The following ANO5 variants were observed in gnomAD, a reference collection of about 807,000 sequenced individuals.
ANO5 encodes the protein anoctamin-5.
In ANO5, 109 loss-of-function variants were observed where a neutral mutation model predicts 121.0. The ratio of observed to expected loss-of-function variants is 0.90; its 90% CI spans 0.77 to 1.06. The LOEUF (loss-of-function observed/expected upper bound fraction) is 1.06. Among genes scored for constraint, ANO5 ranks in the 50% least tolerant of loss-of-function variants. The probability of loss-of-function intolerance (pLI) is 0.00; values close to 1 mark genes in which losing one functional copy is unlikely to be tolerated. For missense variants in ANO5, 1,064 were observed against 1,078.5 expected (o/e 0.99, Z 0.19); for synonymous variants, 406 against 359.9 (o/e 1.13, Z -1.45).
At chr11:22,238,938 T>C (rs1461511717) in intron 8 of ANO5, among the ~76,000 whole-genome samples, 1 of 152,092 alleles carries the variant, frequency 6.6e-6, no homozygotes, top group Non-Finnish European at 1.5e-5. Context: ...TTGTCTGCAG[T>C]AAAAACAGAA....
At chr11:22,207,666 G>A (rs1321180200) in intron 2 of ANO5, among the ~76,000 whole-genome samples, 5 of 152,050 alleles carry the variant, frequency 3.3e-5, no homozygotes, top group African/African-American at 4.8e-5. Context: ...TTAATGAAAA[G>A]CATTGATAAA....
chr11:22,271,369 T>C (rs534063527), intron 18 of ANO5, among the ~76,000 whole-genome samples: 51 of 152,228 alleles, frequency 3.4e-4, no homozygotes, highest in African/African-American at 1.2e-3. Flanking sequence ...TTTCTTACCT[T>C]TCAAGGCCCA....
chr11:22,240,864 T>C (rs1853406653), intron 9 of ANO5, among the ~76,000 whole-genome samples: 1 of 151,994 alleles, frequency 6.6e-6, no homozygotes, highest in Non-Finnish European at 1.5e-5. Flanking sequence ...CTAATATTTT[T>C]CTTTATTCAC....
intron 14 of ANO5, 103 bp from the exon 15 acceptor site, chr11:22,259,415 TA>T: frequency 8.0e-7 from 1 of 1,252,484 alleles, no homozygotes; most frequent in Non-Finnish European, 1.2e-6. Context: ...TGAGAACTGC[TA>T]AACTTCATAT....
chr11:22,239,690 T>A lies in ANO5; in HGVS notation c.878+6T>A, dbSNP rs755998464. The A allele has an allele frequency of 6.4e-7, 1 of 1,571,490 alleles. No individual in the cohort carries two copies. The highest frequency in any genetic ancestry group is 1.1e-5 in the South Asian group (1 of 90,214). On this transcript the variant is annotated splice_donor_region_variant and intron_variant, in intron 9 of 21. Transcript: ENST00000324559. ...CAGCCTTTAGACTTGATTAAGTAAGTTTCATACACAGGATCAGACCAATTA... is the reference window on the plus strand; with the variant it reads ...CAGCCTTTAGACTTGATTAAGTAAGATTCATACACAGGATCAGACCAATTA...
At chr11:22,274,548 C>CTTTTTTTTTTTTTTTTTTTTT (rs72105710) in intron 19 of ANO5, 21 bp from the exon 20 acceptor site, 5 of 1,266,738 alleles carry the variant, frequency 3.9e-6, no homozygotes, top group Non-Finnish European at 4.3e-6. Flanking sequence ...TGATCTTCCT[C>CTTTTTTTTTTTTTTTTTTTTT]TTTTTTTTTT....
chr11:22,193,572 G>A (rs901545061), intron 1 of ANO5, 40 bp downstream of exon 1: 9 of 1,603,064 alleles, frequency 5.6e-6, no homozygotes, highest in Non-Finnish European at 7.7e-6. Flanking sequence ...GAGCCAGGCT[G>A]GCTGCCTGCA....
In ANO5 at chr11:22,231,460, A is replaced by G. The variant is rs573814288; in HGVS notation, c.648+3874A>G. Among the ~76,000 whole-genome samples, 3 of 151,958 alleles carry G rather than the reference A, an allele frequency of 2.0e-5. No individual in the cohort carries two copies. In the South Asian group the frequency reaches 6.2e-4, roughly 32 times the overall value. ...AGTTATATTAATCCCCATTTTACTT[A>G]TTTTTCAGTGGAAAACACTCATCAG... On this transcript the variant is annotated intron_variant, in intron 7 of 21. Transcript: ENST00000324559.
intron 17 of ANO5, among the ~76,000 whole-genome samples, chr11:22,264,445 G>A (rs1420035678): frequency 6.7e-6 from 1 of 150,054 alleles, no homozygotes; most frequent in Non-Finnish European, 1.5e-5. Context: ...AGAGACAAAA[G>A]ACAGGGGAGG....
intron 9 of ANO5, among the ~76,000 whole-genome samples, chr11:22,242,480 G>C (rs960341496): frequency 4.6e-5 from 7 of 151,974 alleles, no homozygotes; most frequent in African/African-American, 1.7e-4. Flanking sequence ...AAATTGCTTT[G>C]GGCAGTATGG....
upstream of ANO5, among the ~76,000 whole-genome samples, chr11:22,192,737 G>A (rs573724152): frequency 6.6e-6 from 1 of 152,344 alleles, no homozygotes; most frequent in Admixed American, 6.5e-5. Context: ...GGAAGCGGCA[G>A]CCCTGGGGAA....
At chr11:22,273,954 CA>C (rs1312024561) in intron 19 of ANO5, among the ~76,000 whole-genome samples, 12 of 151,912 alleles carry the variant, frequency 7.9e-5, no homozygotes, top group Non-Finnish European at 1.6e-4. Flanking sequence ...TAAAGCGTAG[CA>C]CTAAAATTAT....
At chr11:22,192,762 C>T (rs1165999525), upstream of ANO5, among the ~76,000 whole-genome samples, 1 of 152,138 alleles carries the variant, frequency 6.6e-6, no homozygotes, top group African/African-American at 2.4e-5. Context: ...GATTCCTGGT[C>T]GTGGGTGGAC....
intron 1 of ANO5, among the ~76,000 whole-genome samples, chr11:22,198,662 T>C (rs1851879865): frequency 6.6e-6 from 1 of 152,216 alleles, no homozygotes; most frequent in Non-Finnish European, 1.5e-5. Flanking sequence ...TCTTTAAACC[T>C]AGCTTAAGGT....
intron 17 of ANO5, among the ~76,000 whole-genome samples, chr11:22,268,300 T>C (rs1726775626): frequency 6.6e-6 from 1 of 152,098 alleles, no homozygotes; most frequent in Non-Finnish European, 1.5e-5. Context: ...TACCGAGCCT[T>C]CTTACTCGTC....
chr11:22,264,495 TAAC>T (rs536039523), intron 17 of ANO5, among the ~76,000 whole-genome samples: 82 of 150,322 alleles, frequency 5.5e-4, no homozygotes, highest in Non-Finnish European at 8.3e-4. Flanking sequence ...ACAAGCAAAT[TAAC>T]AACAACAACA....
chr11:22,228,443 A>G (rs1041321159), intron 7 of ANO5, among the ~76,000 whole-genome samples: 1 of 151,960 alleles, frequency 6.6e-6, no homozygotes, highest in Non-Finnish European at 1.5e-5. Context: ...GTAATGAACA[A>G]ATTGGGATAA....
chr11:22,193,240 T>A lies in ANO5; in HGVS notation c.-253T>A. ...GCAGGGCCAAGCGCGCGAAGCAGGT[T>A]GTGGGGGACCGGGTCGAGTGGAAGT... On this transcript the variant is annotated 5_prime_UTR_variant, in exon 1 of 22. Coordinates refer to ENST00000324559, the MANE Select transcript of ANO5 (RefSeq NM_213599.3). 1 of 1,114,916 alleles carries A rather than the reference T, an allele frequency of 9.0e-7. No homozygotes were observed. Among genetic ancestry groups the A allele is most frequent in the Non-Finnish European group, 1.1e-6 (1 of 906,666 alleles). The allele number at this position is 1,114,916 out of a possible 1,614,324, so 69.1% of individuals were successfully genotyped here.
chr11:22,270,585 AAAG>A (rs1404473984), intron 18 of ANO5, 143 bp downstream of exon 18: 1 of 1,247,934 alleles, frequency 8.0e-7, no homozygotes, highest in Non-Finnish European at 1.1e-6. Context: ...GGAGGGATAT[AAAG>A]AAAATTTGTT....
Sources: allele counts gnomAD v4.1 joint callset (sites outside exome capture counted in the v4.1 genomes callset), GRCh38; gene constraint gnomAD v4.1.1; transcripts MANE v1.5; gene names NCBI Gene and HGNC (gene_info 2026-07-23, HGNC 2026-07-21).